Variants in ITGA8 observed in about 807,000 individuals in gnomAD.
ITGA8 encodes integrin subunit alpha 8, also known as integrin alpha-8.
A neutral mutation model predicts 142.3 loss-of-function variants in ITGA8; 91 were observed. The ratio of observed to expected loss-of-function variants is 0.64; its 90% confidence interval spans 0.54 to 0.76. The LOEUF (loss-of-function observed/expected upper bound fraction) is 0.76, where lower values mean the gene tolerates loss of function less well. Among genes scored for constraint, ITGA8 ranks in the 30% least tolerant of loss-of-function variants. The pLI is 0.00. For synonymous variants in ITGA8, 505 were observed against 485.2 expected (o/e 1.04, Z -0.54); for missense variants, 1,406 against 1,327.7 (o/e 1.06, Z -0.92).
chr10:15,567,905 C>G (rs1417418753), intron 25 of ITGA8, among the ~76,000 whole-genome samples: 2 of 152,034 alleles, frequency 1.3e-5, no homozygotes, highest in African/African-American at 4.8e-5. Context: ...TGATATGAGG[C>G]AAGTATTTAT....
intron 13 of ITGA8, among the ~76,000 whole-genome samples, chr10:15,618,217 A>G (rs903978395): frequency 7.2e-6 from 1 of 138,868 alleles, no homozygotes; most frequent in African/African-American, 2.6e-5. Context: ...GTATCCCCTG[A>G]ATCTAAAATA....
intron 27 of ITGA8, among the ~76,000 whole-genome samples, chr10:15,542,618 A>C (rs1833592853): frequency 6.6e-6 from 1 of 152,218 alleles, no homozygotes; most frequent in African/African-American, 2.4e-5. Context: ...TACAGTGATC[A>C]AAATATAAAA....
At chr10:15,662,093 C>A (rs1834298332) in intron 8 of ITGA8, among the ~76,000 whole-genome samples, 1 of 152,020 alleles carries the variant, frequency 6.6e-6, no homozygotes, top group Admixed American at 6.6e-5. Context: ...TATCAGTCTC[C>A]CACCCAGTAA....
chr10:15,546,739 A>G (rs1017161477), intron 27 of ITGA8, among the ~76,000 whole-genome samples: 13 of 151,986 alleles, frequency 8.6e-5, no homozygotes, highest in Non-Finnish European at 1.5e-5. Flanking sequence ...AAGATGAAAG[A>G]AAGAAAAGGA....
chr10:15,642,779 G>A (rs985578086), intron 13 of ITGA8, among the ~76,000 whole-genome samples: 6 of 152,068 alleles, frequency 3.9e-5, no homozygotes, highest in Non-Finnish European at 5.9e-5. Flanking sequence ...AATATGTTGC[G>A]GTATCCTTTT....
intron 23 of ITGA8, among the ~76,000 whole-genome samples, chr10:15,577,980 G>T (rs941361549): frequency 6.6e-6 from 1 of 152,150 alleles, no homozygotes; most frequent in African/African-American, 2.4e-5. Context: ...TGAGATAATT[G>T]TAGATTCATA....
chr10:15,651,464 A>G (rs1317352873), intron 11 of ITGA8, among the ~76,000 whole-genome samples: 1 of 151,668 alleles, frequency 6.6e-6, no homozygotes, highest in Non-Finnish European at 1.5e-5. Context: ...GTACTTGGAG[A>G]TTTTTCTTAA....
chr10:15,684,252 T>G (rs1015146964), intron 3 of ITGA8, 125 bp from the exon 4 acceptor site: 3 of 904,798 alleles, frequency 3.3e-6, no homozygotes, highest in African/African-American at 3.4e-5. Context: ...TCTAGCATGC[T>G]AATGAGTGCC....
At chr10:15,624,772 G>C (rs912061446) in intron 13 of ITGA8, among the ~76,000 whole-genome samples, 2 of 152,120 alleles carry the variant, frequency 1.3e-5, no homozygotes, top group African/African-American at 4.8e-5. Flanking sequence ...ACCAACCCAA[G>C]GTTGGCTCAC....
chr10:15,603,967 T>C (rs1198712506), intron 20 of ITGA8, among the ~76,000 whole-genome samples: 1 of 152,184 alleles, frequency 6.6e-6, no homozygotes, highest in East Asian at 1.9e-4. Context: ...TTGTTCTCTT[T>C]TTTGCTTTAG....
At chr10:15,717,116 C>A (rs1444645080) in intron 2 of ITGA8, among the ~76,000 whole-genome samples, 1 of 152,108 alleles carries the variant, frequency 6.6e-6, no homozygotes, top group African/African-American at 2.4e-5. Flanking sequence ...TGTAACTTAT[C>A]AGGGCAGACA....
At chr10:15,536,028 G>A (rs1002995145) in intron 27 of ITGA8, among the ~76,000 whole-genome samples, 5 of 151,200 alleles carry the variant, frequency 3.3e-5, no homozygotes, top group African/African-American at 1.2e-4. Flanking sequence ...CTGAGCCAGC[G>A]AGACCACGAA....
intron 22 of ITGA8, among the ~76,000 whole-genome samples, chr10:15,591,306 T>C (rs938860591): frequency 6.6e-6 from 1 of 151,372 alleles, no homozygotes; most frequent in African/African-American, 2.4e-5. Flanking sequence ...TTTTCAAACT[T>C]TTTAAGCTGC....
intron 13 of ITGA8, among the ~76,000 whole-genome samples, chr10:15,643,155 T>C (rs1364081035): frequency 6.6e-6 from 1 of 152,234 alleles, no homozygotes. Flanking sequence ...CTCATGGCTT[T>C]CCATGTGCCT....
At position 15,565,929 on chromosome 10, in the gene ITGA8, C is replaced by A. The variant is rs148336728; in HGVS notation, c.2637+6282G>T. Among the ~76,000 whole-genome samples, 869 of 151,828 alleles carry A rather than the reference C, an allele frequency of 5.7e-3. 7 individuals carry two copies. The highest frequency in any genetic ancestry group is 0.02 in the African/African-American group (843 of 41,374). On this transcript the variant is annotated intron_variant, in intron 25 of 29. Coordinates refer to ENST00000378076, the MANE Select transcript of ITGA8 (RefSeq NM_003638.3). Reference sequence around the variant, plus strand: ...TTAAGGGTATGTGTGTGTGTGCGCACGCGTGAGTGAGAGACAGAGGGAAAG... The same window carrying A: ...TTAAGGGTATGTGTGTGTGTGCGCAAGCGTGAGTGAGAGACAGAGGGAAAG...
chr10:15,640,636 A>T (rs2131642615), intron 13 of ITGA8, among the ~76,000 whole-genome samples: 1 of 152,300 alleles, frequency 6.6e-6, no homozygotes, highest in East Asian at 1.9e-4. Flanking sequence ...ACAAGACTGC[A>T]GCTCAATCAG....
intron 2 of ITGA8, among the ~76,000 whole-genome samples, chr10:15,715,407 C>T (rs1411808512): frequency 6.6e-6 from 1 of 152,132 alleles, no homozygotes; most frequent in Non-Finnish European, 1.5e-5. Context: ...AGTCATAATC[C>T]TGAACTTGCA....
chr10:15,606,560 G>A, intron 17 of ITGA8, 138 bp from the exon 18 acceptor site: 2 of 781,208 alleles, frequency 2.6e-6, no homozygotes, highest in South Asian at 1.9e-5. Flanking sequence ...AGGCTTAGAT[G>A]GAGGCTGATT....
intron 8 of ITGA8, among the ~76,000 whole-genome samples, chr10:15,669,661 T>C (rs554509158): frequency 6.6e-6 from 1 of 152,302 alleles, no homozygotes; most frequent in South Asian, 2.1e-4. Flanking sequence ...CCTTTGGTCT[T>C]TGATGATGGT....
Sources: gnomAD v4.1 joint callset for allele counts (sites outside exome capture counted in the v4.1 genomes callset) on GRCh38, gnomAD v4.1.1 for gene constraint, MANE v1.5 for transcripts, NCBI Gene and HGNC (gene_info 2026-07-23, HGNC 2026-07-21) for gene names.